The following NLRC5 variants were observed in gnomAD, a reference collection of about 807,000 sequenced individuals.
NLRC5 encodes protein NLRC5.
NLRC5 carries 114 observed loss-of-function variants against 206.9 expected under a neutral mutation model. The observed-to-expected ratio is 0.55, with a 90% CI of 0.47 to 0.64. The LOEUF is 0.64. Among genes scored for constraint, NLRC5 ranks in the 30% least tolerant of loss-of-function variants. The pLI is 0.00. For missense variants in NLRC5, 2,008 were observed against 2,305.5 expected (o/e 0.87, Z 2.64); for synonymous variants, 952 against 962.8 (o/e 0.99, Z 0.21).
chr16:57,079,321 G>A (rs761503564), intron 45 of NLRC5, 29 bp downstream of exon 45: 2 of 1,607,404 alleles, frequency 1.2e-6, no homozygotes, highest in Non-Finnish European at 1.7e-6. Context: ...CTGCCTAGGG[G>A]ACCAGTGGCA....
chr16:57,053,480 T>C (rs2065199541), intron 24 of NLRC5, among the ~76,000 whole-genome samples: 1 of 152,122 alleles, frequency 6.6e-6, no homozygotes, highest in African/African-American at 2.4e-5. Flanking sequence ...GGGGAGAGTT[T>C]AGACTTTTGT....
At chr16:57,009,197 G>A (rs1191358698) in intron 1 of NLRC5, among the ~76,000 whole-genome samples, 2 of 151,692 alleles carry the variant, frequency 1.3e-5, no homozygotes, top group African/African-American at 2.4e-5. Flanking sequence ...AGGCTGAGGC[G>A]GGAGAATCAC....
chr16:57,031,794 C>G (rs1238167147), intron 11 of NLRC5, among the ~76,000 whole-genome samples: 1 of 148,854 alleles, frequency 6.7e-6, no homozygotes, highest in African/African-American at 2.5e-5. Context: ...TGAAAAAAGA[C>G]AGGGAGGGCA....
chr16:57,061,302 C>A, intron 30 of NLRC5, 146 bp from the exon 31 acceptor site: 1 of 668,318 alleles, frequency 1.5e-6, no homozygotes, highest in East Asian at 2.7e-5. Context: ...GCAGGAGCTG[C>A]ATATTTGGCC....
At position 57,027,036 on chromosome 16, in the gene NLRC5, A is replaced by AGGACCGG. The variant is rs757539645; in HGVS notation, c.2075+22_2075+28dup. The AGGACCGG allele has an allele frequency of 1.7e-5, 28 of 1,603,024 alleles. No individual in the cohort carries two copies. In the South Asian group the frequency reaches 3.0e-4, roughly 17 times the overall value. On this transcript the variant is annotated intron_variant, in intron 6 of 48. Transcript: ENST00000688547. ...AATCTCAGGTGAGTAAGAGTGGAGG[A>AGGACCGG]GGACCGGGGAGGGGATTGGGCTTTT...
At chr16:57,006,006 A>AT (rs1173700894) in intron 1 of NLRC5, among the ~76,000 whole-genome samples, 9 of 149,336 alleles carry the variant, frequency 6.0e-5, no homozygotes, top group African/African-American at 1.2e-4. Context: ...TTGTATACAC[A>AT]TTTTTTTTTG....
Position 57,051,770 on chromosome 16 carries a change from T to C in NLRC5, c.3506+149T>C, listed in dbSNP as rs199475996. 51 of 608,268 alleles carry C rather than the reference T, an allele frequency of 8.4e-5. No homozygotes were observed. Among genetic ancestry groups the C allele is most frequent in the African/African-American group, 7.4e-4 (38 of 51,596 alleles). 37.7% of individuals were successfully genotyped at this position (608,268 alleles called of 1,614,324 possible). A position where few individuals can be genotyped will look rare whatever the true frequency, so the allele number is the denominator to read the frequency against. ...CTACCCGCTCCATTCTTTCCTTAGG[T>C]TGTTTTATCATTTTACCTGGCACAA... On this transcript the variant is annotated intron_variant, in intron 24 of 48. Transcript: ENST00000688547.
chr16:57,029,029 C>T (rs2061523834), intron 8 of NLRC5, among the ~76,000 whole-genome samples: 1 of 152,146 alleles, frequency 6.6e-6, no homozygotes, highest in African/African-American at 2.4e-5. Flanking sequence ...AGAGAAGGCA[C>T]CACTTCATCC....
chr16:57,015,143 G>T (rs1007056920), intron 1 of NLRC5, among the ~76,000 whole-genome samples: 4 of 152,142 alleles, frequency 2.6e-5, no homozygotes, highest in African/African-American at 9.7e-5. Flanking sequence ...TGGCCAGACT[G>T]GTTTTAGACT....
Position 57,026,224 on chromosome 16 carries a change from G to T in NLRC5, c.1281G>T (p.Gln427His), listed in dbSNP as rs149735722. ...HHLLPDHAPG[Q>H]SVALLPNMTQ... is the part of the protein sequence containing the mutation. ...TGCTTCCTGACCACGCCCCAGGCCA[G>T]TCTGTGGCCCTCCTGCCCAACATGA... The change falls in exon 6 of 49, where the codon CAG becomes CAT. Residue 427 changes from glutamine to histidine, a missense_variant. Physicochemically the swap from Gln to His is conservative, Grantham distance 24 (BLOSUM62 0). Coordinates refer to ENST00000688547, the MANE Select transcript of NLRC5 (RefSeq NM_001384950.1). 2.5e-4 allele frequency: 397 copies of T among 1,613,740 alleles called. 1 individual carries two copies. The African/African-American group carries it at 4.5e-3, about 18-fold the overall frequency.
rs1007188554 is a variant in NLRC5 at position 57,064,132 on chromosome 16, T to C, written c.4155-1080T>C. ...CTGTAATCCCAACACTTTGGGAGGC[T>C]GAGGTGGGCAGATTGTTTGAGCTCA... On this transcript the variant is annotated intron_variant, in intron 32 of 48. Transcript: ENST00000688547. Among the ~76,000 whole-genome samples, 103 of 151,964 alleles carry C rather than the reference T, an allele frequency of 6.8e-4. 3 individuals are homozygous for C. The highest frequency in any genetic ancestry group is 1.2e-4 in the Non-Finnish European group (8 of 67,978).
At chr16:57,082,239 C>G (rs2069239277) in intron 48 of NLRC5, among the ~76,000 whole-genome samples, 178 bp from the exon 49 acceptor site, 1 of 152,188 alleles carries the variant, frequency 6.6e-6, no homozygotes. Context: ...TTGGAGGACT[C>G]AGGAGGCAGG....
rs555571200 is a variant in NLRC5, at chr16:57,022,322, A to G, written c.355+7A>G. On this transcript the variant is annotated splice_region_variant and intron_variant, in intron 4 of 48. Coordinates refer to ENST00000688547, the MANE Select transcript of NLRC5 (RefSeq NM_001384950.1). ...GAATCTCAGCTCCACCATGGTGAGG[A>G]CTGGAGTTGGGGGGTGGGAAGGGGG... 9.3e-6 allele frequency: 15 copies of G among 1,607,416 alleles called. No individual in the cohort carries two copies. The African/African-American group carries it at 1.6e-4, about 17-fold the overall frequency.
At chr16:57,082,318 G>T in intron 48 of NLRC5, 99 bp from the exon 49 acceptor site, 1 of 923,968 alleles carries the variant, frequency 1.1e-6, no homozygotes, top group Non-Finnish European at 1.7e-6. Context: ...GTAACTCTAG[G>T]CACAGCTCTA....
chr16:57,055,793 G>T (rs1293824657), intron 27 of NLRC5, among the ~76,000 whole-genome samples: 1 of 152,190 alleles, frequency 6.6e-6, no homozygotes, highest in African/African-American at 2.4e-5. Flanking sequence ...AGCTCTGCTG[G>T]CAGATGGGGG....
chr16:57,040,088 A>G (rs1335924452), intron 16 of NLRC5, among the ~76,000 whole-genome samples: 1 of 152,228 alleles, frequency 6.6e-6, no homozygotes, highest in Non-Finnish European at 1.5e-5. Flanking sequence ...TATAGACAGC[A>G]GGCCAGGGCA....
At chr16:57,081,337 C>T in intron 47 of NLRC5, 156 bp downstream of exon 47, 1 of 911,064 alleles carries the variant, frequency 1.1e-6, no homozygotes, top group Non-Finnish European at 1.7e-6. Context: ...CTTAGTTCCC[C>T]CTGGGTTCTA....
chr16:56,997,045 C>A (rs145869047), intron 1 of NLRC5, among the ~76,000 whole-genome samples: 10 of 152,140 alleles, frequency 6.6e-5, no homozygotes, highest in African/African-American at 2.2e-4. Context: ...AATTTTTTTG[C>A]ATTTTTTGTA....
At chr16:57,072,010 C>A (rs1171743693) in intron 38 of NLRC5, among the ~76,000 whole-genome samples, 1 of 152,068 alleles carries the variant, frequency 6.6e-6, no homozygotes, top group Non-Finnish European at 1.5e-5. Context: ...CAGCAAGAAC[C>A]TTGGTCATAG....
Sources: gnomAD v4.1 joint callset for allele counts (sites outside exome capture counted in the v4.1 genomes callset) on GRCh38, gnomAD v4.1.1 for gene constraint, MANE v1.5 for transcripts, NCBI Gene and HGNC (gene_info 2026-07-23, HGNC 2026-07-21) for gene names.